Variants in TXNDC16 observed in about 807,000 individuals in gnomAD.
TXNDC16 encodes the protein thioredoxin domain-containing protein 16.
In TXNDC16, 74 loss-of-function variants were observed where a neutral mutation model predicts 85.6. The observed-to-expected ratio is 0.86, with a 90% confidence interval of 0.72 to 1.05. The LOEUF (loss-of-function observed/expected upper bound fraction) is 1.05, where lower values mean the gene tolerates loss of function less well. Among genes scored for constraint, TXNDC16 ranks in the 50% least tolerant of loss-of-function variants. The probability of loss-of-function intolerance (pLI) is 0.00; values close to 1 mark genes in which losing one functional copy is unlikely to be tolerated. For synonymous variants in TXNDC16, 335 were observed against 326.5 expected (o/e 1.03, Z -0.28); for missense variants, 959 against 947.0 (o/e 1.01, Z -0.17).
At chr14:52,514,414 T>C (rs1199872673) in intron 8 of TXNDC16, among the ~76,000 whole-genome samples, 1 of 152,170 alleles carries the variant, frequency 6.6e-6, no homozygotes, top group Admixed American at 6.6e-5. Flanking sequence ...GTGTGGAAAG[T>C]AGGCTTCTAC....
intron 14 of TXNDC16, among the ~76,000 whole-genome samples, chr14:52,472,555 T>C (rs1465226427): frequency 6.6e-6 from 1 of 152,238 alleles, no homozygotes; most frequent in African/African-American, 2.4e-5. Flanking sequence ...TTACACAGTA[T>C]GTACCCAGTA....
intron 9 of TXNDC16, among the ~76,000 whole-genome samples, chr14:52,503,525 A>G (rs1172960875): frequency 6.6e-6 from 1 of 152,228 alleles, no homozygotes; most frequent in South Asian, 2.1e-4. Flanking sequence ...GACTGTTAGA[A>G]GGAAAACTAA....
rs151161863 is a variant in TXNDC16 at position 52,539,335 on chromosome 14, AG to A, written c.244-1664del. On this transcript the variant is annotated intron_variant, in intron 4 of 20. Transcript: ENST00000281741. ...AGTATAAGAGATGAGTTCTAAGCAG[AG>A]GGGAAAATATCTGCAAAGGCCCTGT... 6.9e-3 allele frequency among the ~76,000 whole-genome samples: 1,052 copies of A among 152,324 alleles called. 10 individuals are homozygous for A. The highest frequency in any genetic ancestry group is 0.024 in the African/African-American group (992 of 41,566).
At chr14:52,544,100 T>C (rs1219671819) in intron 2 of TXNDC16, among the ~76,000 whole-genome samples, 164 bp downstream of exon 2, 1 of 152,148 alleles carries the variant, frequency 6.6e-6, no homozygotes, top group African/African-American at 2.4e-5. Context: ...TGGAAGAACA[T>C]TCCTTCTAAA....
chr14:52,546,780 G>A (rs1410397448), intron 1 of TXNDC16, among the ~76,000 whole-genome samples: 2 of 152,242 alleles, frequency 1.3e-5, no homozygotes, highest in African/African-American at 4.8e-5. Context: ...TAAACTAGAA[G>A]TGAGATGCCA....
chr14:52,473,248 C>T (rs77421142), intron 14 of TXNDC16, among the ~76,000 whole-genome samples: 1,817 of 152,064 alleles, frequency 0.012, 34 homozygotes, highest in African/African-American at 0.04. Context: ...TGTGTGTGTC[C>T]GTGTTCTAAA....
At chr14:52,523,610 T>C (rs1210499752) in intron 6 of TXNDC16, among the ~76,000 whole-genome samples, 1 of 152,208 alleles carries the variant, frequency 6.6e-6, no homozygotes, top group African/African-American at 2.4e-5. Context: ...CCCAAAGTCT[T>C]TTAATAAGTA....
chr14:52,528,433 A>T (rs926102071), intron 6 of TXNDC16, among the ~76,000 whole-genome samples: 4 of 152,276 alleles, frequency 2.6e-5, no homozygotes, highest in Admixed American at 2.0e-4. Flanking sequence ...TAGGTCAAAA[A>T]TAACTGACTA....
intron 9 of TXNDC16, among the ~76,000 whole-genome samples, chr14:52,504,984 A>T (rs2036758095): frequency 6.6e-6 from 1 of 152,238 alleles, no homozygotes. Flanking sequence ...AGGCCATTAC[A>T]TAATGGTAAA....
At chr14:52,508,914 G>A (rs1204422438) in intron 9 of TXNDC16, among the ~76,000 whole-genome samples, 1 of 152,110 alleles carries the variant, frequency 6.6e-6, no homozygotes, top group Admixed American at 6.5e-5. Context: ...GTGGGGTGGG[G>A]GCAGCGGGGA....
intron 6 of TXNDC16, among the ~76,000 whole-genome samples, chr14:52,526,041 T>A (rs939637089): frequency 6.6e-6 from 1 of 152,168 alleles, no homozygotes; most frequent in African/African-American, 2.4e-5. Flanking sequence ...ATATTTTTGA[T>A]CCGCTTATGG....
At chr14:52,447,575 G>A (rs940801528) in intron 18 of TXNDC16, among the ~76,000 whole-genome samples, 2 of 152,102 alleles carry the variant, frequency 1.3e-5, no homozygotes, top group Non-Finnish European at 2.9e-5. Context: ...ACAGAGAGAC[G>A]GACTCCATTT....
rs974616026 is a variant in TXNDC16, at chr14:52,432,045, T to C, written c.*259A>G. 6 of 312,412 alleles carry C rather than the reference T, an allele frequency of 1.9e-5. No homozygotes were observed. Among genetic ancestry groups the C allele is most frequent in the Non-Finnish European group, 3.5e-5 (6 of 172,816 alleles). The allele number at this position is 312,412 out of a possible 1,614,324, so 19.4% of individuals were successfully genotyped here. ...ACTTGGTACAAAAAAGGATGTAAAA[T>C]ATCTCATTAATAATTTCTATATTTC... is the stretch of plus-strand genomic sequence containing the variant. On this transcript the variant is annotated 3_prime_UTR_variant, in exon 21 of 21. Coordinates refer to ENST00000281741, the MANE Select transcript of TXNDC16 (RefSeq NM_020784.3).
chr14:52,439,293 A>T lies in TXNDC16; in HGVS notation c.2105T>A (p.Val702Glu). 6.2e-7 allele frequency: 1 copy of T among 1,614,152 alleles called. No individual in the cohort carries two copies. Among genetic ancestry groups the T allele is most frequent in the Non-Finnish European group, 8.5e-7 (1 of 1,180,016 alleles). ...VLVNLHSGGQ[V>E]FAFPSDQAII... is the part of the protein sequence containing the mutation. Reference sequence around the variant, plus strand: ...AGCCTGGTCTGAAGGAAATGCAAATACTTGGCCACCTGAATGCAGATTCAC... The same window carrying T: ...AGCCTGGTCTGAAGGAAATGCAAATTCTTGGCCACCTGAATGCAGATTCAC... The change falls in exon 20 of 21, where the codon GTA (valine) becomes GAA (glutamate). Residue 702 changes from valine (V) to glutamate (E), a missense_variant. Physicochemically the swap from Val to Glu is moderately radical, Grantham distance 121. Coordinates refer to ENST00000281741, the MANE Select transcript of TXNDC16 (RefSeq NM_020784.3).
intron 18 of TXNDC16, among the ~76,000 whole-genome samples, chr14:52,442,402 C>T (rs943396821): frequency 3.9e-5 from 6 of 152,152 alleles, no homozygotes; most frequent in Non-Finnish European, 7.4e-5. Context: ...AGGCATTCTG[C>T]TCACCAGTTT....
intron 9 of TXNDC16, among the ~76,000 whole-genome samples, chr14:52,497,100 A>G (rs573949446): frequency 1.3e-5 from 2 of 152,300 alleles, no homozygotes; most frequent in Admixed American, 6.5e-5. Flanking sequence ...ACAACTACCA[A>G]TATTTTTCTA....
chr14:52,511,815 G>T (rs74650228), intron 8 of TXNDC16, among the ~76,000 whole-genome samples: 2,032 of 152,208 alleles, frequency 0.013, 43 homozygotes, highest in African/African-American at 0.046. Flanking sequence ...ACCCAAAGCT[G>T]TTTTGAATAA....
chr14:52,464,965 A>T (rs1008819900), intron 16 of TXNDC16, among the ~76,000 whole-genome samples: 1 of 152,030 alleles, frequency 6.6e-6, no homozygotes, highest in East Asian at 1.9e-4. Context: ...AAATATAAAG[A>T]TATGCTCTCT....
At chr14:52,508,685 G>T (rs2036876870) in intron 9 of TXNDC16, among the ~76,000 whole-genome samples, 2 of 152,136 alleles carry the variant, frequency 1.3e-5, no homozygotes, top group Admixed American at 1.3e-4. Context: ...AACAATGATA[G>T]ACTGGATTAA....
Sources: gnomAD v4.1 joint callset for allele counts (sites outside exome capture counted in the v4.1 genomes callset) on GRCh38, gnomAD v4.1.1 for gene constraint, MANE v1.5 for transcripts, NCBI Gene and HGNC (gene_info 2026-07-23, HGNC 2026-07-21) for gene names.